Variants in CALML6 observed in about 807,000 individuals in gnomAD.
CALML6 encodes the protein calmodulin-like protein 6.
Under a neutral mutation model 25.0 loss-of-function variants are expected in CALML6, and 27 were observed. That is an observed-to-expected ratio of 1.08 (90% CI 0.80 to 1.49). CALML6 has a LOEUF of 1.49. CALML6 is among the 40% of genes most tolerant of loss of function. CALML6 has a pLI of 0.00. For missense variants in CALML6, 239 were observed against 232.7 expected, an observed-to-expected ratio of 1.03 and a Z score of -0.18; for synonymous variants, 97 against 87.2, an observed-to-expected ratio of 1.11 and a Z score of -0.63.
chr1:1,916,748 G>A lies in CALML6; in HGVS notation c.254-4G>A, dbSNP rs752782636. On this transcript the variant is annotated splice_region_variant and splice_polypyrimidine_tract_variant and intron_variant, in intron 3 of 5. Coordinates refer to ENST00000307786, the MANE Select transcript of CALML6 (RefSeq NM_138705.4). ...CCCTTGAGCCCCAGCTGTGCCCCTT[G>A]CAGACAAAGGGTTCTTCAACTGCGA... is the stretch of plus-strand genomic sequence containing the variant. The A allele has an allele frequency of 1.2e-6, 2 of 1,613,508 alleles. No homozygotes were observed. Among genetic ancestry groups the A allele is most frequent in the African/African-American group, 1.3e-5 (1 of 75,054 alleles).
At chr1:1,915,634 A>G (rs1207835091) in intron 1 of CALML6, 51 bp from the exon 2 acceptor site, 5 of 1,599,490 alleles carry the variant, frequency 3.1e-6, no homozygotes, top group Admixed American at 1.7e-5. Context: ...CCAGGCAGCC[A>G]GGCCCAGCTA....
chr1:1,915,765 C>A, intron 2 of CALML6, 30 bp downstream of exon 2: 1 of 1,610,148 alleles, frequency 6.2e-7, no homozygotes, highest in South Asian at 1.1e-5. Context: ...CCGATGGAGT[C>A]TCTGGTGGGC....
intron 1 of CALML6, 159 bp from the exon 2 acceptor site, chr1:1,915,526 G>A (rs1651078958): frequency 8.2e-7 from 1 of 1,223,212 alleles, no homozygotes. Flanking sequence ...AGCGGGCCGG[G>A]AAGGGGCCCT....
Position 1,917,222 on chromosome 1 carries a change from GC to G in CALML6, c.*32del. On this transcript the variant is annotated 3_prime_UTR_variant, in exon 6 of 6. Coordinates refer to ENST00000307786, the MANE Select transcript of CALML6 (RefSeq NM_138705.4). ...CAGCTGCCGCAGCCGGGGGAGGCCT[GC>G]CCGGGAAGGCTGCTGCCCCTGCCCC... The G allele has an allele frequency of 6.4e-7, 1 of 1,565,552 alleles. No homozygotes were observed. The highest frequency in any genetic ancestry group is 8.6e-7 in the Non-Finnish European group (1 of 1,158,282).
At position 1,917,296 on chromosome 1, in the gene CALML6, A is replaced by T; in HGVS notation, c.*103A>T. The T allele has an allele frequency of 8.2e-7, 1 of 1,220,982 alleles. No homozygotes were observed. The highest frequency in any genetic ancestry group is 1.1e-6 in the Non-Finnish European group (1 of 870,626). 75.6% of individuals were successfully genotyped at this position (1,220,982 alleles called of 1,614,324 possible). On this transcript the variant is annotated 3_prime_UTR_variant, in exon 6 of 6. Coordinates refer to ENST00000307786, the MANE Select transcript of CALML6 (RefSeq NM_138705.4). ...CGTGTAAAATAAATGTTCCAGCCCA[A>T]CCTGTGTGTGCCTCACTGTCCCAGC...
In CALML6 at chr1:1,915,393, C is replaced by T. The variant is rs1651074830; in HGVS notation, c.27+86C>T. On this transcript the variant is annotated intron_variant, in intron 1 of 5. Coordinates refer to ENST00000307786, the MANE Select transcript of CALML6 (RefSeq NM_138705.4). Reference sequence around the variant, plus strand: ...GGGAAGGTAGACTTGGAGCTTGGTCCAGTGAAGAGGGAACAGCACGGGGAA... The same window carrying T: ...GGGAAGGTAGACTTGGAGCTTGGTCTAGTGAAGAGGGAACAGCACGGGGAA... 2.6e-6 allele frequency: 4 copies of T among 1,541,288 alleles called. No individual in the cohort carries two copies. In the South Asian group the frequency reaches 4.8e-5, roughly 18 times the overall value.
chr1:1,916,989 C>G lies in CALML6; in HGVS notation c.414C>G (p.Asn138Lys), dbSNP rs147764999. Residue 138 changes from asparagine to lysine, a missense_variant, in exon 5 of 6, where the codon AAC (asparagine) becomes AAG (lysine). Physicochemically the swap from Asn to Lys is moderately conservative, Grantham distance 94. Transcript: ENST00000307786. The stretch of plus-strand genomic sequence containing the variant: ...GGCCCCGTAGGTACGTGCTAATGAA[C>G]GCAGGGGAGCCCCTCAACGAGGTGG... ...DWNTLKYVLM[N>K]AGEPLNEVEA... 6.2e-7 allele frequency: 1 copy of G among 1,609,832 alleles called. No individual in the cohort carries two copies. The highest frequency in any genetic ancestry group is 1.3e-5 in the African/African-American group (1 of 74,852).
intron 2 of CALML6, chr1:1,916,240 G>A: frequency 3.8e-6 from 2 of 520,574 alleles, no homozygotes; most frequent in Non-Finnish European, 6.7e-6. Context: ...TAGCTGCCTG[G>A]CAGAGCCCTG....
At chr1:1,915,374 G>A (rs1651074216) in intron 1 of CALML6, 67 bp downstream of exon 1, 5 of 1,547,102 alleles carry the variant, frequency 3.2e-6, no homozygotes, top group Non-Finnish European at 4.4e-6. Flanking sequence ...CTCTGGGAAG[G>A]TAGACTTGGA....
At position 1,915,261 on chromosome 1, in the gene CALML6, C is replaced by G. The variant is rs188623460; in HGVS notation, c.-20C>G. 384 of 1,557,694 alleles carry G rather than the reference C, an allele frequency of 2.5e-4. 1 individual carries two copies. The African/African-American group carries it at 4.8e-3, about 19-fold the overall frequency. On this transcript the variant is annotated 5_prime_UTR_variant, in exon 1 of 6. Coordinates refer to ENST00000307786, the MANE Select transcript of CALML6 (RefSeq NM_138705.4). ...GGGAGGGTGGCCAGGCTCTGAGCCA[C>G]TGAGCACCAGCTGGCCAGGATGGGT...
chr1:1,915,404 G>C, intron 1 of CALML6, 97 bp downstream of exon 1: 4 of 1,533,838 alleles, frequency 2.6e-6, no homozygotes, highest in Non-Finnish European at 3.5e-6. Flanking sequence ...AGTGAAGAGG[G>C]AACAGCACGG....
At chr1:1,915,878 C>A in intron 2 of CALML6, 143 bp downstream of exon 2, 2 of 778,450 alleles carry the variant, frequency 2.6e-6, no homozygotes, top group African/African-American at 1.7e-5. Context: ...CTGCTGCCAC[C>A]AACACAGCCC....
rs957685886 is a variant in CALML6, at chr1:1,916,333, T to C, written c.79-108T>C. On this transcript the variant is annotated intron_variant, in intron 2 of 5. Transcript: ENST00000307786. ...GGGGCCTCCTCTCTTACCACTCACC[T>C]TGAAAGGCTGCCAATGGAGGAATGG... The C allele has an allele frequency of 8.3e-6, 9 of 1,081,638 alleles. 1 individual carries two copies. In the Middle Eastern group the frequency reaches 8.8e-4, roughly 106 times the overall value. The allele number at this position is 1,081,638 out of a possible 1,614,324, so 67.0% of individuals were successfully genotyped here.
rs1304585095 is a variant in CALML6 at position 1,917,012 on chromosome 1, T to C, written c.437T>C (p.Val146Ala). 1.9e-6 allele frequency: 3 copies of C among 1,609,396 alleles called. No individual in the cohort carries two copies. The East Asian group carries it at 6.7e-5, about 36-fold the overall frequency. Reference protein sequence around the residue: ...LMNAGEPLNEVEAEQMMKEAD... With the variant: ...LMNAGEPLNEAEAEQMMKEAD... ...AACGCAGGGGAGCCCCTCAACGAGG[T>C]GGAGGCGGAGCAGATGATGAAGGAG... The change falls in exon 5 of 6, where the codon GTG becomes GCG. Residue 146 changes from valine (V) to alanine (A), a missense_variant. Transcript: ENST00000307786.
In CALML6 at chr1:1,917,272, G is replaced by C. The variant is rs116373746; in HGVS notation, c.*79G>C. ...CCCTGGCCCCCACTCCCCCGGCTCC[G>C]TGTAAAATAAATGTTCCAGCCCAAC... On this transcript the variant is annotated 3_prime_UTR_variant, in exon 6 of 6. Transcript: ENST00000307786. 4 of 1,439,594 alleles carry C rather than the reference G, an allele frequency of 2.8e-6. No individual in the cohort carries two copies. The highest frequency in any genetic ancestry group is 3.8e-6 in the Non-Finnish European group (4 of 1,060,856). The allele number at this position is 1,439,594 out of a possible 1,614,324, so 89.2% of individuals were successfully genotyped here.
chr1:1,915,776 T>C (rs1377937102), intron 2 of CALML6, 41 bp downstream of exon 2: 1 of 1,602,888 alleles, frequency 6.2e-7, no homozygotes, highest in Non-Finnish European at 8.5e-7. Context: ...TCTGGTGGGC[T>C]GGCTGGGTAG....
At position 1,916,421 on chromosome 1, in the gene CALML6, G is replaced by A. The variant is rs76616908; in HGVS notation, c.79-20G>A. On this transcript the variant is annotated intron_variant, in intron 2 of 5. Transcript: ENST00000307786. ...GGCAGAAGGGGCTCCTGGTCAGGCCGGTGCGGGTGTCCCCTGCAGACAGAG... is the reference window on the plus strand; with the variant it reads ...GGCAGAAGGGGCTCCTGGTCAGGCCAGTGCGGGTGTCCCCTGCAGACAGAG... 1.5e-3 allele frequency: 2,271 copies of A among 1,501,688 alleles called. 36 individuals are homozygous for A. The African/African-American group carries it at 0.029, about 19-fold the overall frequency. The allele number at this position is 1,501,688 out of a possible 1,614,324, so 93.0% of individuals were successfully genotyped here. A position where few individuals can be genotyped will look rare whatever the true frequency, so the allele number is the denominator to read the frequency against.
intron 2 of CALML6, 88 bp downstream of exon 2, chr1:1,915,823 G>T: frequency 1.5e-6 from 2 of 1,341,348 alleles, no homozygotes; most frequent in East Asian, 2.4e-5. Context: ...GACCTGCCAC[G>T]GAGCCTGGGC....
In CALML6 at chr1:1,916,898, T is replaced by A. The variant is rs774429318; in HGVS notation, c.398+2T>A. ...CTACATTGACTGGAACACACTCAAG[T>A]AGGGCCCGGGTTGGGGGCGGGTGGT... is the stretch of plus-strand genomic sequence containing the variant. On this transcript the variant is annotated splice_donor_variant, in intron 4 of 5. Coordinates refer to ENST00000307786, the MANE Select transcript of CALML6 (RefSeq NM_138705.4). LOFTEE classifies it high-confidence loss of function. 8.9e-6 allele frequency: 10 copies of A among 1,122,752 alleles called. No homozygotes were observed. The highest frequency in any genetic ancestry group is 1.2e-5 in the Non-Finnish European group (10 of 857,764). The allele number at this position is 1,122,752 out of a possible 1,614,324, so 69.5% of individuals were successfully genotyped here. A position where few individuals can be genotyped will look rare whatever the true frequency, so the allele number is the denominator to read the frequency against.
Sources: allele counts gnomAD v4.1 joint callset, GRCh38; gene constraint gnomAD v4.1.1; transcripts MANE v1.5; gene names NCBI Gene and HGNC (gene_info 2026-07-23, HGNC 2026-07-21).